LPP: variants seen among roughly 807,000 people sequenced by gnomAD.
LPP encodes the protein lipoma-preferred partner.
LPP carries 38 observed loss-of-function variants against 60.4 expected under a neutral mutation model. The observed-to-expected ratio is 0.63, with a 90% CI of 0.49 to 0.83. The LOEUF (loss-of-function observed/expected upper bound fraction) is 0.83. LPP is among the 40% of genes least tolerant of loss of function. The pLI, the probability that LPP is intolerant of heterozygous loss-of-function variation, is 0.00. For synonymous variants in LPP, 328 were observed against 290.8 expected, an observed-to-expected ratio of 1.13 and a Z score of -1.30; for missense variants, 902 against 783.6, an observed-to-expected ratio of 1.15 and a Z score of -1.80.
chr3:188,791,739 T>C (rs1012881607), intron 9 of LPP, among the ~76,000 whole-genome samples: 1 of 152,180 alleles, frequency 6.6e-6, no homozygotes, highest in Non-Finnish European at 1.5e-5. Flanking sequence ...ACTTCTTCCA[T>C]GGAGCCCCCT....
intron 3 of LPP, among the ~76,000 whole-genome samples, chr3:188,381,886 A>G (rs370662052): frequency 3.3e-5 from 5 of 151,996 alleles, no homozygotes; most frequent in East Asian, 3.9e-4. Flanking sequence ...GACTCAAGCT[A>G]TCCTCTCACC....
At position 188,885,709 on chromosome 3, in the gene LPP, T is replaced by G. The variant is rs56358676; in HGVS notation, c.*11230T>G. On this transcript the variant is annotated 3_prime_UTR_variant, in exon 12 of 12. Coordinates refer to ENST00000617246, the MANE Select transcript of LPP (RefSeq NM_001375462.1). ...TCTAGTTCTAGATCCCTGAGGAATC[T>G]CCACACTGACTTCCACAATGGTTGA... is the stretch of plus-strand genomic sequence containing the variant. 0.032 allele frequency: 4,870 copies of G among 152,270 alleles called. 99 individuals carry two copies. The highest frequency in any genetic ancestry group is 0.05 in the Non-Finnish European group (3,382 of 67,994). 9.4% of individuals were successfully genotyped at this position (152,270 alleles called of 1,614,324 possible). A position where few individuals can be genotyped will look rare whatever the true frequency, so the allele number is the denominator to read the frequency against.
At chr3:188,677,552 G>T (rs1343294092) in intron 7 of LPP, among the ~76,000 whole-genome samples, 1 of 152,194 alleles carries the variant, frequency 6.6e-6, no homozygotes, top group East Asian at 1.9e-4. Flanking sequence ...ACATGAAATG[G>T]GCTTCTTTAA....
At chr3:188,244,972 G>T (rs73059649) in intron 2 of LPP, among the ~76,000 whole-genome samples, 1 of 152,146 alleles carries the variant, frequency 6.6e-6, no homozygotes, top group Non-Finnish European at 1.5e-5. Flanking sequence ...GGCATGGACC[G>T]TGTCTAATGG....
intron 7 of LPP, among the ~76,000 whole-genome samples, chr3:188,703,577 C>G (rs981033567): frequency 2.0e-5 from 3 of 152,240 alleles, no homozygotes; most frequent in African/African-American, 7.2e-5. Flanking sequence ...GGAGGCTGTT[C>G]TCTAGCCAAA....
chr3:188,300,183 A>G (rs1253215814), intron 2 of LPP, among the ~76,000 whole-genome samples: 1 of 152,098 alleles, frequency 6.6e-6, no homozygotes, highest in Non-Finnish European at 1.5e-5. Context: ...TCTTTTTTTA[A>G]GAAGGGTTGT....
At chr3:188,168,866 C>T (rs1416736651) in intron 1 of LPP, among the ~76,000 whole-genome samples, 3 of 152,216 alleles carry the variant, frequency 2.0e-5, no homozygotes, top group Non-Finnish European at 2.9e-5. Flanking sequence ...CAGTTGGTAA[C>T]AACCACTGAG....
chr3:188,321,821 TTAAA>T (rs1270561682), intron 2 of LPP, among the ~76,000 whole-genome samples: 70 of 152,218 alleles, frequency 4.6e-4, no homozygotes, highest in African/African-American at 1.7e-3. Context: ...CAAAATAACT[TTAAA>T]TAGAGAAAAC....
At chr3:188,607,405 A>G (rs1314504278) in intron 6 of LPP, among the ~76,000 whole-genome samples, 1 of 33,482 alleles carries the variant, frequency 3.0e-5, no homozygotes, top group Admixed American at 3.6e-4. Flanking sequence ...ATATATATAT[A>G]TATATATATA....
chr3:188,623,439 A>G (rs1485854801), intron 7 of LPP, among the ~76,000 whole-genome samples: 1 of 151,888 alleles, frequency 6.6e-6, no homozygotes, highest in Non-Finnish European at 1.5e-5. Context: ...TGTATTTTTA[A>G]TAGAGACAGG....
chr3:188,811,329 G>A (rs1297360105), intron 9 of LPP, among the ~76,000 whole-genome samples: 8 of 148,922 alleles, frequency 5.4e-5, no homozygotes, highest in South Asian at 4.2e-4. Context: ...TCTTGAAAGC[G>A]AGAAAATGAT....
At chr3:188,482,082 T>C (rs964751904) in intron 4 of LPP, among the ~76,000 whole-genome samples, 2 of 152,266 alleles carry the variant, frequency 1.3e-5, no homozygotes, top group African/African-American at 4.8e-5. Context: ...GGTTTAAACT[T>C]ATATGGCAGT....
intron 9 of LPP, among the ~76,000 whole-genome samples, chr3:188,763,091 C>T (rs1732935205): frequency 6.6e-6 from 1 of 152,160 alleles, no homozygotes; most frequent in Admixed American, 6.5e-5. Flanking sequence ...AATCCTAGAA[C>T]TATGCGTCTC....
chr3:188,653,332 A>G (rs1014074563), intron 7 of LPP, among the ~76,000 whole-genome samples: 3 of 152,154 alleles, frequency 2.0e-5, no homozygotes, highest in Non-Finnish European at 4.4e-5. Flanking sequence ...AGTTTTTGTT[A>G]TTACTTTTCT....
chr3:188,464,439 A>G (rs1315897892), intron 4 of LPP, among the ~76,000 whole-genome samples: 3 of 152,210 alleles, frequency 2.0e-5, no homozygotes, highest in Admixed American at 6.5e-5. Context: ...TTAGGACAGT[A>G]TGGAACATTC....
chr3:188,670,248 A>G (rs1856701186), intron 7 of LPP, among the ~76,000 whole-genome samples: 1 of 152,228 alleles, frequency 6.6e-6, no homozygotes, highest in Non-Finnish European at 1.5e-5. Flanking sequence ...AACGTAAAGT[A>G]TAATAATAAA....
At chr3:188,815,401 A>T (rs951353352) in intron 9 of LPP, among the ~76,000 whole-genome samples, 1 of 152,176 alleles carries the variant, frequency 6.6e-6, no homozygotes, top group South Asian at 2.1e-4. Flanking sequence ...AGAGCCAGTT[A>T]TAGGTTTGGT....
chr3:188,683,474 T>C (rs984123004), intron 7 of LPP, among the ~76,000 whole-genome samples: 4 of 152,158 alleles, frequency 2.6e-5, no homozygotes, highest in Non-Finnish European at 4.4e-5. Context: ...CAACTGGAAG[T>C]TTCTATTTGC....
At chr3:188,642,916 A>G (rs1850436354) in intron 7 of LPP, among the ~76,000 whole-genome samples, 2 of 146,582 alleles carry the variant, frequency 1.4e-5, no homozygotes, top group African/African-American at 2.5e-5. Flanking sequence ...AGCCTGGGCA[A>G]CAAGAGCAAA....
Sources: allele counts gnomAD v4.1 joint callset (sites outside exome capture counted in the v4.1 genomes callset), GRCh38; gene constraint gnomAD v4.1.1; transcripts MANE v1.5; gene names NCBI Gene and HGNC (gene_info 2026-07-23, HGNC 2026-07-21).